Variants in EXOC3 observed in about 807,000 individuals in gnomAD.
EXOC3 encodes the protein SEC6-like 1.
Under a neutral mutation model 73.7 loss-of-function variants are expected in EXOC3, and 21 were observed. That is an observed-to-expected ratio of 0.29 (90% CI 0.20 to 0.41). EXOC3 has a LOEUF of 0.41. Among genes scored for constraint, EXOC3 ranks in the 10% least tolerant of loss-of-function variants. The pLI, the probability that EXOC3 is intolerant of heterozygous loss-of-function variation, is 1.00. For missense variants in EXOC3, 842 were observed against 985.1 expected (o/e 0.85, Z 1.95); for synonymous variants, 410 against 389.1 (o/e 1.05, Z -0.63).
At chr5:465,006 CAGAGCCTCCGG>C in intron 10 of EXOC3, 94 bp from the exon 11 acceptor site, 2 of 1,248,410 alleles carry the variant, frequency 1.6e-6, no homozygotes, top group Non-Finnish European at 2.2e-6. Flanking sequence ...GGAGTGGGCT[CAGAGCCTCCGG>C]GGAGCCACCG....
At chr5:446,772 G>A (rs950311385) in intron 2 of EXOC3, among the ~76,000 whole-genome samples, 8 of 152,004 alleles carry the variant, frequency 5.3e-5, no homozygotes, top group African/African-American at 1.9e-4. Context: ...CAAGAGAATC[G>A]CTTGAACCCA....
At position 458,627 on chromosome 5, in the gene EXOC3, G is replaced by A. The variant is rs182574212; in HGVS notation, c.1290+602G>A. Among the ~76,000 whole-genome samples the A allele has an allele frequency of 7.9e-5, 12 of 152,278 alleles. No homozygotes were observed. In the East Asian group the frequency reaches 1.9e-3, roughly 24 times the overall value. On this transcript the variant is annotated intron_variant, in intron 6 of 12. Transcript: ENST00000512944. ...CCAAGCCTCACTAGGTGTTAGAACC[G>A]GTGTGTTCTTACCACGGATTCACTT... is the stretch of plus-strand genomic sequence containing the variant.
At position 453,364 on chromosome 5, in the gene EXOC3, C is replaced by T. The variant is rs1209491152; in HGVS notation, c.365-6C>T. On this transcript the variant is annotated splice_polypyrimidine_tract_variant and splice_region_variant and intron_variant, in intron 3 of 12. Transcript: ENST00000512944. ...GTTTATGTTGTGTCTTGTGCCTTCT[C>T]CCTAGTGCCTGAGATTGTGAGGGAG... 1.3e-6 allele frequency: 2 copies of T among 1,564,260 alleles called. No homozygotes were observed. The highest frequency in any genetic ancestry group is 1.7e-4 in the Middle Eastern group (1 of 5,962).
At chr5:459,216 A>C in intron 6 of EXOC3, 143 bp from the exon 7 acceptor site, 3 of 370,252 alleles carry the variant, frequency 8.1e-6, no homozygotes, top group Non-Finnish European at 9.1e-6. Context: ...GTTATTTTTC[A>C]CGTGGTTTCA....
At chr5:444,296 C>G (rs1473702403) in intron 1 of EXOC3, among the ~76,000 whole-genome samples, 2 of 152,200 alleles carry the variant, frequency 1.3e-5, no homozygotes, top group Non-Finnish European at 2.9e-5. Flanking sequence ...CTCTGCGGTG[C>G]GTTTTTTAAC....
chr5:459,566 G>T (rs59635824), intron 7 of EXOC3, 107 bp downstream of exon 7: 46,557 of 566,702 alleles, frequency 0.082, 2,151 homozygotes, highest in Admixed American at 0.13. Flanking sequence ...AAATTAAGCC[G>T]GTAGATTCCC....
chr5:452,971 G>A (rs72717445), intron 3 of EXOC3, among the ~76,000 whole-genome samples: 21,274 of 152,220 alleles, frequency 0.14, 1,932 homozygotes, highest in Non-Finnish European at 0.2. Context: ...TTACCTCTTC[G>A]CACCTCTGTG....
chr5:462,921 C>T (rs1290777486), intron 9 of EXOC3, among the ~76,000 whole-genome samples: 2 of 152,216 alleles, frequency 1.3e-5, no homozygotes, highest in Admixed American at 1.3e-4. Context: ...GCCTGACCAA[C>T]ATGGAGAAAC....
rs144867072 is a variant in EXOC3, at chr5:447,236, A to G, written c.145-297A>G. 6.0e-3 allele frequency: 1,847 copies of G among 310,320 alleles called. 11 individuals are homozygous for G. Among genetic ancestry groups the G allele is most frequent in the Middle Eastern group, 0.013 (15 of 1,142 alleles). The allele number at this position is 310,320 out of a possible 1,614,324, so 19.2% of individuals were successfully genotyped here. On this transcript the variant is annotated intron_variant, in intron 2 of 12. Coordinates refer to ENST00000512944, the MANE Select transcript of EXOC3 (RefSeq NM_007277.5). ...ACCGTAGCAGGCCACGGCCCAGGGC[A>G]GACCCGTGGTAGTGTCCAGGATCAC...
Position 453,522 on chromosome 5 carries a change from AT to A in EXOC3, c.518del (p.Ile173ThrfsTer84). On this transcript the variant is annotated frameshift_variant, in exon 4 of 13. Coordinates refer to ENST00000512944, the MANE Select transcript of EXOC3 (RefSeq NM_007277.5). LOFTEE classifies it high-confidence loss of function. ...DSGNTRDMTL[I>X]HGYFGSTQGL... ...TGGGAACACGCGTGACATGACCCTC[AT>A]CCATGGCTACTTTGGCAGCACGCAG... 1 of 1,614,020 alleles carries A rather than the reference AT, an allele frequency of 6.2e-7. No homozygotes were observed. Among genetic ancestry groups the A allele is most frequent in the Non-Finnish European group, 8.5e-7 (1 of 1,179,900 alleles).
chr5:459,582 G>A (rs1737923141), intron 7 of EXOC3, 123 bp downstream of exon 7: 3 of 555,670 alleles, frequency 5.4e-6, no homozygotes, highest in African/African-American at 3.9e-5. Context: ...TTCCCCACGT[G>A]TCACTCCTGT....
chr5:457,348 G>A (rs556879609), intron 5 of EXOC3: 1 of 327,034 alleles, frequency 3.1e-6, no homozygotes, highest in South Asian at 3.5e-5. Context: ...GTCCGTCAAG[G>A]ACCAAAGGGC....
Position 453,926 on chromosome 5 carries a change from C to G in EXOC3, c.921C>G (p.Ile307Met). 6.2e-7 allele frequency: 1 copy of G among 1,614,044 alleles called. No individual in the cohort carries two copies. Among genetic ancestry groups the G allele is most frequent in the Non-Finnish European group, 8.5e-7 (1 of 1,179,904 alleles). Residue 307 changes from isoleucine (I) to methionine (M), a missense_variant, in exon 4 of 13, where the codon ATC becomes ATG. Coordinates refer to ENST00000512944, the MANE Select transcript of EXOC3 (RefSeq NM_007277.5). ...AGTGCTTTCCTCCCCACTATGAGAT[C>G]TTTAAGAACCTCCTGAACATGTACC... ...MVQCFPPHYE[I>M]FKNLLNMYHQ...
At chr5:456,737 C>T (rs1737827286) in intron 4 of EXOC3, among the ~76,000 whole-genome samples, 152 bp from the exon 5 acceptor site, 1 of 152,060 alleles carries the variant, frequency 6.6e-6, no homozygotes, top group Non-Finnish European at 1.5e-5. Flanking sequence ...GGCCCCTGCC[C>T]TGCACTTTCC....
At position 462,204 on chromosome 5, in the gene EXOC3, A is replaced by G. The variant is rs754386448; in HGVS notation, c.1550A>G (p.Glu517Gly). The G allele has an allele frequency of 6.2e-7, 1 of 1,613,974 alleles. No individual in the cohort carries two copies. The highest frequency in any genetic ancestry group is 8.5e-7 in the Non-Finnish European group (1 of 1,179,888). The change falls in exon 9 of 13, where the codon GAA becomes GGA. Residue 517 changes from glutamate (E) to glycine (G), a missense_variant. Coordinates refer to ENST00000512944, the MANE Select transcript of EXOC3 (RefSeq NM_007277.5). The stretch of plus-strand genomic sequence containing the variant: ...AGAAAGTATTTAAAGAATGAAGTGG[A>G]AGAGGGTGTGTCTCCGAGCCAGCCC... ...LKRKYLKNEV[E>G]EGVSPSQPSM...
At chr5:457,780 A>T in intron 5 of EXOC3, 120 bp from the exon 6 acceptor site, 1 of 1,104,186 alleles carries the variant, frequency 9.1e-7, no homozygotes, top group Non-Finnish European at 1.3e-6. Context: ...GAGAAAGAGG[A>T]CGCTGGTGCC....
At position 453,417 on chromosome 5, in the gene EXOC3, C is replaced by T; in HGVS notation, c.412C>T (p.Leu138Phe). Reference protein sequence around the residue: ...ETQDLIEQGALLQAHRKLMDL... With the variant: ...ETQDLIEQGAFLQAHRKLMDL... ...CCAGGACCTAATTGAACAAGGGGCA[C>T]TCCTGCAAGCCCACCGGAAGCTGAT... Residue 138 changes from leucine (L) to phenylalanine (F), a missense_variant, in exon 4 of 13, where the codon CTC (leucine) becomes TTC (phenylalanine). Physicochemically the swap from Leu to Phe is conservative, Grantham distance 22. Transcript: ENST00000512944. 6.2e-7 allele frequency: 1 copy of T among 1,602,068 alleles called. No individual in the cohort carries two copies. Among genetic ancestry groups the T allele is most frequent in the South Asian group, 1.1e-5 (1 of 89,156 alleles).
rs773230636 is a variant in EXOC3 at position 464,355 on chromosome 5, T to C, written c.1719T>C (p.Cys573=). ...GGTCAAACGCTGTAGACATTATCTG[T>C]GTCACCGTGGAAGACTATTTCAACG... ...LLGSNAVDII[C]VTVEDYFNDF... is the part of the protein sequence containing the mutation. Residue 573 remains cysteine (C), a synonymous_variant, in exon 10 of 13, where the codon TGT becomes TGC. Coordinates refer to ENST00000512944, the MANE Select transcript of EXOC3 (RefSeq NM_007277.5). 1 of 1,613,746 alleles carries C rather than the reference T, an allele frequency of 6.2e-7. No homozygotes were observed. Among genetic ancestry groups the C allele is most frequent in the Non-Finnish European group, 8.5e-7 (1 of 1,179,630 alleles).
intron 3 of EXOC3, among the ~76,000 whole-genome samples, chr5:448,412 A>T: frequency 6.6e-6 from 1 of 152,112 alleles, no homozygotes; most frequent in East Asian, 1.9e-4. Flanking sequence ...CCACAGCCTC[A>T]TCCCTCCCCT....
Sources: gnomAD v4.1 joint callset for allele counts (sites outside exome capture counted in the v4.1 genomes callset) on GRCh38, gnomAD v4.1.1 for gene constraint, MANE v1.5 for transcripts, NCBI Gene and HGNC (gene_info 2026-07-23, HGNC 2026-07-21) for gene names.